The following C8B variants were observed in gnomAD, a reference collection of about 807,000 sequenced individuals.
C8B encodes complement component C8 beta chain.
Under a neutral mutation model 64.6 loss-of-function variants are expected in C8B, and 67 were observed. That is an observed-to-expected ratio of 1.04 (90% confidence interval 0.85 to 1.27). The LOEUF (loss-of-function observed/expected upper bound fraction) is 1.27. C8B is among the 50% of genes most tolerant of loss of function. C8B has a pLI of 0.00. For synonymous variants in C8B, 284 were observed against 257.7 expected, an observed-to-expected ratio of 1.10 and a Z score of -0.98; for missense variants, 790 against 725.2, an observed-to-expected ratio of 1.09 and a Z score of -1.03.
At position 56,945,904 on chromosome 1, in the gene C8B, C is replaced by G. The variant is rs761130327; in HGVS notation, c.1022G>C (p.Gly341Ala). ...GEYRDLFRDF[G>A]THYITEAVLG... is the part of the protein sequence containing the mutation. ...CACAGCCTCTGTGATGTAGTGGGTCCCAAAATCACGGAAGAGATCTCTGTA... is the reference window on the plus strand; with the variant it reads ...CACAGCCTCTGTGATGTAGTGGGTCGCAAAATCACGGAAGAGATCTCTGTA... Residue 341 changes from glycine to alanine, a missense_variant, in exon 7 of 12, where the codon GGG (glycine) becomes GCG (alanine). Gly to Ala is a moderately conservative substitution (Grantham distance 60). Transcript: ENST00000371237. 2 of 1,614,074 alleles carry G rather than the reference C, an allele frequency of 1.2e-6. No homozygotes were observed. The highest frequency in any genetic ancestry group is 2.2e-5 in the South Asian group (2 of 91,076).
intron 4 of C8B, among the ~76,000 whole-genome samples, 157 bp from the exon 5 acceptor site, chr1:56,952,337 G>A (rs891777849): frequency 2.1e-4 from 32 of 152,224 alleles, no homozygotes; most frequent in African/African-American, 7.0e-4. Context: ...ATTTATGGCC[G>A]CCCTTAACCA....
At chr1:56,952,888 C>T (rs1001441406) in intron 4 of C8B, among the ~76,000 whole-genome samples, 14 of 152,158 alleles carry the variant, frequency 9.2e-5, no homozygotes, top group South Asian at 2.1e-4. Context: ...ACTTGGTCCG[C>T]GATAAATGTG....
rs561641707 is a variant in C8B at position 56,930,590 on chromosome 1, C to A, written c.1622-1032G>T. Among the ~76,000 whole-genome samples, 65 of 152,182 alleles carry A rather than the reference C, an allele frequency of 4.3e-4. 1 individual carries two copies. The Middle Eastern group carries it at 0.014, about 32-fold the overall frequency. On this transcript the variant is annotated intron_variant, in intron 11 of 11. Coordinates refer to ENST00000371237, the MANE Select transcript of C8B (RefSeq NM_000066.4). ...GTGTTTTACTGGGAACATAAGAGTGCAGGCAGGAGTTACGATCAAAGGCTG... is the reference window on the plus strand; with the variant it reads ...GTGTTTTACTGGGAACATAAGAGTGAAGGCAGGAGTTACGATCAAAGGCTG...
At chr1:56,960,311 C>G in intron 1 of C8B, 135 bp from the exon 2 acceptor site, 9 of 760,642 alleles carry the variant, frequency 1.2e-5, no homozygotes, top group Non-Finnish European at 2.0e-5. Flanking sequence ...TCCAGGATAA[C>G]CTATCCTGGA....
At chr1:56,943,485 T>C (rs11807035) in intron 8 of C8B, among the ~76,000 whole-genome samples, 2,374 of 152,334 alleles carry the variant, frequency 0.016, 65 homozygotes, top group African/African-American at 0.052. Flanking sequence ...AAGGATTATA[T>C]TCCATTCATA....
chr1:56,952,639 G>A (rs1023897719), intron 4 of C8B, among the ~76,000 whole-genome samples: 20 of 152,150 alleles, frequency 1.3e-4, no homozygotes, highest in Non-Finnish European at 2.4e-4. Context: ...GTTGCCTTGC[G>A]AGAGTTGGGT....
At chr1:56,965,833 G>A (rs374705290) in intron 1 of C8B, 24 bp downstream of exon 1, 47 of 1,612,894 alleles carry the variant, frequency 2.9e-5, no homozygotes, top group Non-Finnish European at 3.9e-5. Context: ...ATTGATCAGG[G>A]AATTATTGGT....
intron 4 of C8B, among the ~76,000 whole-genome samples, 181 bp downstream of exon 4, chr1:56,954,505 G>T (rs1570399235): frequency 1.3e-5 from 2 of 152,180 alleles, no homozygotes; most frequent in East Asian, 3.9e-4. Context: ...CATGGGACGT[G>T]TTCCTGGAGC....
At chr1:56,953,671 T>C (rs140342104) in intron 4 of C8B, among the ~76,000 whole-genome samples, 125 of 152,342 alleles carry the variant, frequency 8.2e-4, no homozygotes, top group African/African-American at 2.5e-3. Flanking sequence ...AAGCATGTTA[T>C]TAACTTCCTC....
At chr1:56,944,822 A>G (rs1342923298) in intron 7 of C8B, among the ~76,000 whole-genome samples, 1 of 152,242 alleles carries the variant, frequency 6.6e-6, no homozygotes, top group East Asian at 1.9e-4. Flanking sequence ...TCTTGCAAGT[A>G]CATGGACTGG....
chr1:56,930,025 G>C (rs1189172968), intron 11 of C8B, among the ~76,000 whole-genome samples: 5 of 152,154 alleles, frequency 3.3e-5, no homozygotes, highest in Non-Finnish European at 5.9e-5. Flanking sequence ...TGTGACTGGG[G>C]CTGTATCTTA....
chr1:56,965,757 C>T, intron 1 of C8B, 100 bp downstream of exon 1: 4 of 1,308,544 alleles, frequency 3.1e-6, no homozygotes, highest in Admixed American at 1.7e-5. Context: ...AGAGACGTTC[C>T]TCATTCAATA....
At chr1:56,951,946 C>T (rs1173090054) in intron 5 of C8B, 102 bp downstream of exon 5, 1 of 636,640 alleles carries the variant, frequency 1.6e-6, no homozygotes, top group East Asian at 4.9e-5. Context: ...GAAACTGAAG[C>T]TCAAAGAGAA....
intron 2 of C8B, 46 bp downstream of exon 2, chr1:56,959,974 C>A (rs1005719936): frequency 4.0e-5 from 65 of 1,612,072 alleles, no homozygotes; most frequent in Non-Finnish European, 4.8e-5. Flanking sequence ...TTGCTGGGGA[C>A]AAAGGCTCCT....
chr1:56,946,173 T>TA (rs1177232588), intron 6 of C8B, 112 bp from the exon 7 acceptor site: 1 of 1,238,482 alleles, frequency 8.1e-7, no homozygotes, highest in Non-Finnish European at 1.2e-6. Context: ...TCATCACTCT[T>TA]ATGATTCCTT....
Position 56,945,822 on chromosome 1 carries a change from T to G in C8B, c.1104A>C (p.Gly368=). The G allele has an allele frequency of 6.2e-7, 1 of 1,614,108 alleles. No individual in the cohort carries two copies. Among genetic ancestry groups the G allele is most frequent in the Non-Finnish European group, 8.5e-7 (1 of 1,180,020 alleles). ...LVMNKEAMER[G]DYTLNNVHAC... ...GCCATGGTCCCTTGGGCAGTATACC[T>G]CCTCTCTCCATGGCCTCTTTGTTCA... Residue 368 remains glycine (G), a splice_region_variant and synonymous_variant, in exon 7 of 12, where the codon GGA becomes GGC. Transcript: ENST00000371237.
At chr1:56,957,051 C>G (rs1645114386) in intron 2 of C8B, 141 bp from the exon 3 acceptor site, 2 of 845,534 alleles carry the variant, frequency 2.4e-6, no homozygotes, top group African/African-American at 1.7e-5. Flanking sequence ...TCCCCCAGCC[C>G]CTTGTGCTCC....
At chr1:56,958,015 C>G (rs1169093564) in intron 2 of C8B, among the ~76,000 whole-genome samples, 1 of 152,082 alleles carries the variant, frequency 6.6e-6, no homozygotes, top group Admixed American at 6.6e-5. Flanking sequence ...TGTACCAAAG[C>G]TGAGAGGACT....
chr1:56,952,303 G>T, intron 4 of C8B, 123 bp from the exon 5 acceptor site: 1 of 1,325,798 alleles, frequency 7.5e-7, no homozygotes, highest in Non-Finnish European at 1.1e-6. Context: ...CTTGATACCT[G>T]GTCCAAGCCA....
Sources: gnomAD v4.1 joint callset for allele counts (sites outside exome capture counted in the v4.1 genomes callset) on GRCh38, gnomAD v4.1.1 for gene constraint, MANE v1.5 for transcripts, NCBI Gene and HGNC (gene_info 2026-07-23, HGNC 2026-07-21) for gene names.